DSE: variants seen among roughly 807,000 people sequenced by gnomAD.
The protein encoded by DSE is dermatan-sulfate epimerase.
DSE carries 36 observed loss-of-function variants against 84.4 expected under a neutral mutation model. That is an observed-to-expected ratio of 0.43 (90% confidence interval 0.33 to 0.56). The LOEUF (loss-of-function observed/expected upper bound fraction) is 0.56, where lower values mean the gene tolerates loss of function less well. DSE is among the 20% of genes least tolerant of loss of function. The pLI, the probability that DSE is intolerant of heterozygous loss-of-function variation, is 0.06. For synonymous variants in DSE, 410 were observed against 430.1 expected (o/e 0.95, Z 0.58); for missense variants, 862 against 1,169.6 (o/e 0.74, Z 3.84).
intron 2 of DSE, among the ~76,000 whole-genome samples, chr6:116,309,048 AATTG>A (rs1335503946): frequency 2.6e-5 from 4 of 152,166 alleles, no homozygotes; most frequent in Admixed American, 1.3e-4. Flanking sequence ...TAAAATTTCT[AATTG>A]ATTATTACTT....
intron 2 of DSE, among the ~76,000 whole-genome samples, chr6:116,406,070 A>G (rs1001034301): frequency 1.3e-5 from 2 of 152,242 alleles, no homozygotes. Context: ...AGGAAATCCG[A>G]AGTTAATTTT....
At chr6:116,278,946 G>T in intron 2 of DSE, 1 of 1,614,010 alleles carries the variant, frequency 6.2e-7, no homozygotes, top group Non-Finnish European at 8.5e-7. Context: ...CTGCATCTTG[G>T]CCCCTAATCA....
chr6:116,299,239 T>C (rs1274043554), intron 2 of DSE, among the ~76,000 whole-genome samples: 1 of 151,992 alleles, frequency 6.6e-6, no homozygotes, highest in East Asian at 1.9e-4. Context: ...CAAAACTTGG[T>C]TTGCAAGAGA....
At chr6:116,294,551 G>A (rs371319237) in intron 2 of DSE, among the ~76,000 whole-genome samples, 1 of 144,906 alleles carries the variant, frequency 6.9e-6, no homozygotes, top group African/African-American at 2.5e-5. Flanking sequence ...AAGGGTCAGG[G>A]AAGATAGGAA....
chr6:116,361,919 GCTATT>G (rs1474540248), intron 2 of DSE, among the ~76,000 whole-genome samples: 1 of 152,098 alleles, frequency 6.6e-6, no homozygotes, highest in Non-Finnish European at 1.5e-5. Flanking sequence ...ACAAAATAGA[GCTATT>G]CTATCATCCT....
At chr6:116,279,329 C>G in intron 2 of DSE, 2 of 1,610,898 alleles carry the variant, frequency 1.2e-6, no homozygotes, top group Non-Finnish European at 1.7e-6. Context: ...TCCCTCTCAG[C>G]CACGGCTGCT....
At chr6:116,334,863 A>G (rs549938068) in intron 2 of DSE, among the ~76,000 whole-genome samples, 3 of 152,356 alleles carry the variant, frequency 2.0e-5, no homozygotes, top group South Asian at 2.1e-4. Context: ...CACCAGTCAG[A>G]ATGGCTATTA....
At chr6:116,301,430 C>A (rs1468191509) in intron 2 of DSE, among the ~76,000 whole-genome samples, 1 of 152,126 alleles carries the variant, frequency 6.6e-6, no homozygotes, top group Non-Finnish European at 1.5e-5. Context: ...CCTTGGGTAT[C>A]CTTCTGTATT....
intron 2 of DSE, among the ~76,000 whole-genome samples, chr6:116,343,965 A>G (rs1777782067): frequency 2.0e-5 from 3 of 152,256 alleles, no homozygotes. Context: ...GCTGAAAGCC[A>G]TGGCATGAGA....
At chr6:116,321,713 G>A (rs1217278493) in intron 2 of DSE, among the ~76,000 whole-genome samples, 1 of 152,154 alleles carries the variant, frequency 6.6e-6, no homozygotes. Context: ...GGTGGAAGTT[G>A]CAGTGAGCCG....
chr6:116,387,031 C>A (rs1380014300), intron 1 of DSE, among the ~76,000 whole-genome samples: 2 of 152,106 alleles, frequency 1.3e-5, no homozygotes, highest in African/African-American at 4.8e-5. Flanking sequence ...AATGAGTGAA[C>A]CAGATTAGAT....
At chr6:116,377,865 T>G (rs1780017272) in intron 1 of DSE, among the ~76,000 whole-genome samples, 1 of 152,244 alleles carries the variant, frequency 6.6e-6, no homozygotes. Flanking sequence ...TTTGTCATTT[T>G]AATATATGTG....
At chr6:116,426,441 C>A (rs1783458305) in intron 2 of DSE, 133 bp from the exon 3 acceptor site, 5 of 1,154,268 alleles carry the variant, frequency 4.3e-6, no homozygotes, top group Non-Finnish European at 4.8e-6. Flanking sequence ...GGAGGGAAGT[C>A]AGTTGTGTGT....
rs762678829 is a variant in DSE, at chr6:116,435,674, T to C, written c.1206T>C (p.Tyr402=). 3.9e-5 allele frequency: 63 copies of C among 1,614,164 alleles called. No individual in the cohort carries two copies. The highest frequency in any genetic ancestry group is 5.3e-5 in the Non-Finnish European group (62 of 1,180,002). The change falls in exon 6 of 6, where the codon TAT becomes TAC. Residue 402 remains tyrosine (Y), a synonymous_variant. Coordinates refer to ENST00000644252, the MANE Select transcript of DSE (RefSeq NM_013352.4). ...TTGAAGACTGGGGTGTCGTGACTTA[T>C]GGAAGTGCACTACCTGCAGAAATCA... ...HYFEDWGVVT[Y]GSALPAEINR...
At chr6:116,277,643 C>T in intron 2 of DSE, 1 of 151,042 alleles carries the variant, frequency 6.6e-6, no homozygotes, top group African/African-American at 2.5e-5. Context: ...TCTGAGCTAT[C>T]ACTTTTTTAA....
intron 2 of DSE, among the ~76,000 whole-genome samples, chr6:116,334,918 A>G (rs1777154638): frequency 6.6e-6 from 1 of 152,094 alleles, no homozygotes; most frequent in African/African-American, 2.4e-5. Flanking sequence ...CAAAGAAGGA[A>G]CCTCCCACTG....
intron 2 of DSE, chr6:116,279,470 G>T (rs766424769): frequency 1.2e-5 from 19 of 1,612,544 alleles, no homozygotes; most frequent in Non-Finnish European, 1.6e-5. Flanking sequence ...CCCTTTTTCA[G>T]GCTGCGGTCG....
intron 1 of DSE, among the ~76,000 whole-genome samples, chr6:116,391,021 C>G (rs1208269534): frequency 1.3e-5 from 2 of 152,226 alleles, no homozygotes; most frequent in African/African-American, 4.8e-5. Flanking sequence ...CAGGTGGTCT[C>G]TGGTGGATGG....
intron 1 of DSE, among the ~76,000 whole-genome samples, chr6:116,392,876 G>A (rs1277545167): frequency 6.6e-6 from 1 of 152,178 alleles, no homozygotes; most frequent in Non-Finnish European, 1.5e-5. Context: ...ATATGTGAGA[G>A]GTAGGGAAGC....
Sources: allele counts gnomAD v4.1 joint callset (sites outside exome capture counted in the v4.1 genomes callset), GRCh38; gene constraint gnomAD v4.1.1; transcripts MANE v1.5; gene names NCBI Gene and HGNC (gene_info 2026-07-23, HGNC 2026-07-21).